Variants in KSR2 observed in about 807,000 individuals in gnomAD.
The protein encoded by KSR2 is kinase suppressor of ras 2.
A neutral mutation model predicts 107.8 loss-of-function variants in KSR2; 25 were observed. The observed-to-expected ratio is 0.23, with a 90% CI of 0.17 to 0.32. The LOEUF is 0.32. Ranked by LOEUF, KSR2 falls within the 10% of genes least tolerant of loss-of-function variation. The pLI, the probability that KSR2 is intolerant of heterozygous loss-of-function variation, is 1.00. For synonymous variants in KSR2, 480 were observed against 507.0 expected (o/e 0.95, Z 0.71); for missense variants, 887 against 1,268.9 (o/e 0.70, Z 4.57).
At chr12:117,947,258 A>AAAGAAAGAC (rs1566094758) in intron 1 of KSR2, among the ~76,000 whole-genome samples, 5 of 72,392 alleles carry the variant, frequency 6.9e-5, no homozygotes, top group Admixed American at 1.2e-4. Flanking sequence ...AGAAAGAAAG[A>AAAGAAAGAC]AGATAAACCA....
intron 5 of KSR2, among the ~76,000 whole-genome samples, chr12:117,657,873 C>T (rs1344415033): frequency 2.6e-5 from 4 of 152,178 alleles, no homozygotes; most frequent in African/African-American, 4.8e-5. Context: ...CTTCATGGAA[C>T]TGATATTAGA....
At chr12:117,918,102 G>C (rs1346060809) in intron 1 of KSR2, among the ~76,000 whole-genome samples, 1 of 152,160 alleles carries the variant, frequency 6.6e-6, no homozygotes, top group Non-Finnish European at 1.5e-5. Context: ...ATGTATTTCT[G>C]ATTGAAAGAG....
chr12:117,790,635 C>T (rs1890222201), intron 3 of KSR2, among the ~76,000 whole-genome samples: 3 of 152,180 alleles, frequency 2.0e-5, no homozygotes, highest in South Asian at 2.1e-4. Context: ...AGAAGTATGT[C>T]GCTTTTTAAT....
chr12:117,470,211 TCCA>T lies in KSR2; in HGVS notation c.2713-419_2713-417del, dbSNP rs751977522. 6.6e-3 allele frequency among the ~76,000 whole-genome samples: 1,000 copies of T among 150,598 alleles called. 19 individuals carry two copies. Among genetic ancestry groups the T allele is most frequent in the African/African-American group, 0.023 (928 of 40,650 alleles). On this transcript the variant is annotated intron_variant, in intron 18 of 19. Transcript: ENST00000339824. ...CTTTCATTATCCATCCATCCATCCA[TCCA>T]TCCATCCATCCATCCGGCATGTATC...
At chr12:117,759,754 G>C (rs1888927097) in intron 4 of KSR2, among the ~76,000 whole-genome samples, 1 of 152,154 alleles carries the variant, frequency 6.6e-6, no homozygotes, top group Non-Finnish European at 1.5e-5. Flanking sequence ...TTATGTGTCT[G>C]GCATATTTTA....
chr12:117,555,362 T>C, intron 8 of KSR2, 69 bp from the exon 9 acceptor site: 2 of 1,559,134 alleles, frequency 1.3e-6, no homozygotes, highest in Admixed American at 1.8e-5. Flanking sequence ...CAGGACGGCA[T>C]AGCTCAGATC....
intron 4 of KSR2, among the ~76,000 whole-genome samples, chr12:117,734,268 G>A (rs1473180798): frequency 3.0e-5 from 4 of 131,204 alleles, no homozygotes; most frequent in Non-Finnish European, 4.7e-5. Flanking sequence ...GCAATAGAGC[G>A]AGACTCTGTC....
chr12:117,904,408 C>T (rs1894779265), intron 1 of KSR2, among the ~76,000 whole-genome samples: 2 of 152,224 alleles, frequency 1.3e-5, no homozygotes, highest in South Asian at 2.1e-4. Context: ...ATTGGCATTA[C>T]AGGAGAACTC....
intron 1 of KSR2, among the ~76,000 whole-genome samples, chr12:117,876,257 G>A (rs934760354): frequency 6.6e-6 from 1 of 152,254 alleles, no homozygotes; most frequent in African/African-American, 2.4e-5. Context: ...ACTGGAGAAC[G>A]TCTCAAGTAA....
chr12:117,799,397 G>C (rs754447914), intron 3 of KSR2, among the ~76,000 whole-genome samples: 1 of 152,064 alleles, frequency 6.6e-6, no homozygotes, highest in Non-Finnish European at 1.5e-5. Flanking sequence ...AGCTACTCAG[G>C]AGGCTGAGGC....
At chr12:117,920,386 C>T (rs1414913659) in intron 1 of KSR2, among the ~76,000 whole-genome samples, 2 of 146,450 alleles carry the variant, frequency 1.4e-5, no homozygotes, top group African/African-American at 5.2e-5. Flanking sequence ...AGGGCTGAAC[C>T]ACTGTGGTCT....
chr12:117,472,012 C>T (rs1379070457), intron 17 of KSR2, among the ~76,000 whole-genome samples: 5 of 150,986 alleles, frequency 3.3e-5, no homozygotes, highest in Admixed American at 6.6e-5. Flanking sequence ...AACCACCCTG[C>T]GGAACGGTGG....
intron 4 of KSR2, among the ~76,000 whole-genome samples, chr12:117,669,266 G>A (rs544406998): frequency 1.3e-5 from 2 of 152,192 alleles, no homozygotes; most frequent in Non-Finnish European, 2.9e-5. Flanking sequence ...ATAGCAATGT[G>A]TTATGAGTGC....
chr12:117,633,896 T>G (rs116722623), intron 5 of KSR2, among the ~76,000 whole-genome samples: 1,988 of 152,244 alleles, frequency 0.013, 44 homozygotes, highest in African/African-American at 0.046. Flanking sequence ...TGCCCCAGTG[T>G]GGGGTGATGC....
intron 3 of KSR2, among the ~76,000 whole-genome samples, chr12:117,832,000 T>G (rs760299207): frequency 6.6e-6 from 1 of 152,312 alleles, no homozygotes; most frequent in Non-Finnish European, 1.5e-5. Context: ...AAACTTGTAC[T>G]GTGGCCGGGT....
intron 5 of KSR2, among the ~76,000 whole-genome samples, chr12:117,645,311 C>T (rs1054916063): frequency 3.9e-5 from 6 of 152,080 alleles, no homozygotes; most frequent in African/African-American, 1.4e-4. Context: ...TTTTTTAGTA[C>T]ATGAACCATC....
Position 117,968,094 on chromosome 12 carries a change from T to C in KSR2, c.162A>G (p.Lys54=), listed in dbSNP as rs1463938080. ...CACCTACCTCCAGGGTCCGGATTTC[T>C]TTTTGTGTGAGGTCGTTGGAGGTAG... ...KCATSNDLTQ[K]EIRTLESKLV... is the part of the protein sequence containing the mutation. The change falls in exon 1 of 20, where the codon AAA becomes AAG. Residue 54 remains lysine (K), a synonymous_variant. Coordinates refer to ENST00000339824, the MANE Select transcript of KSR2 (RefSeq NM_173598.6). 2.5e-6 allele frequency: 4 copies of C among 1,606,792 alleles called. No homozygotes were observed. The highest frequency in any genetic ancestry group is 3.4e-5 in the Admixed American group (2 of 58,846).
At chr12:117,555,316 TTGGGAG>T in intron 8 of KSR2, 23 bp from the exon 9 acceptor site, 1 of 1,612,974 alleles carries the variant, frequency 6.2e-7, no homozygotes. Context: ...AAACATTGAT[TTGGGAG>T]TTTAAGTATC....
chr12:117,854,447 G>T (rs79256578), intron 3 of KSR2, among the ~76,000 whole-genome samples: 1,660 of 152,300 alleles, frequency 0.011, 30 homozygotes, highest in African/African-American at 0.038. Context: ...TCTCAGCCCT[G>T]CTGGCACCCC....
Sources: allele counts gnomAD v4.1 joint callset (sites outside exome capture counted in the v4.1 genomes callset), GRCh38; gene constraint gnomAD v4.1.1; transcripts MANE v1.5; gene names NCBI Gene and HGNC (gene_info 2026-07-23, HGNC 2026-07-21).